NALF1: variants seen among roughly 807,000 people sequenced by gnomAD.
The protein encoded by NALF1 is NALCN channel auxiliary factor 1, also known as family with sequence similarity 155 member A.
In NALF1, 3 loss-of-function variants were observed where a neutral mutation model predicts 48.4. That is an observed-to-expected ratio of 0.06 (90% CI 0.03 to 0.16). The LOEUF is 0.16. NALF1 is among the 10% of genes least tolerant of loss of function. The pLI, the probability that NALF1 is intolerant of heterozygous loss-of-function variation, is 1.00. For synonymous variants in NALF1, 262 were observed against 245.7 expected, an observed-to-expected ratio of 1.07 and a Z score of -0.62; for missense variants, 526 against 571.5, an observed-to-expected ratio of 0.92 and a Z score of 0.81.
At chr13:107,370,702 C>T (rs541870346) in intron 1 of NALF1, among the ~76,000 whole-genome samples, 2 of 152,230 alleles carry the variant, frequency 1.3e-5, no homozygotes, top group African/African-American at 2.4e-5. Context: ...TCTCATGCTG[C>T]GAACAAAAAC....
intron 1 of NALF1, among the ~76,000 whole-genome samples, chr13:107,501,848 G>A (rs1875535595): frequency 6.6e-6 from 1 of 152,106 alleles, no homozygotes; most frequent in Non-Finnish European, 1.5e-5. Context: ...TGAAAGGATG[G>A]AACTCCTGAA....
intron 1 of NALF1, among the ~76,000 whole-genome samples, chr13:107,636,925 T>G (rs879708086): frequency 4.0e-5 from 6 of 150,360 alleles, no homozygotes. Context: ...ATGATCCACA[T>G]GAAGACATTT....
intron 1 of NALF1, among the ~76,000 whole-genome samples, chr13:107,316,811 T>C (rs907251718): frequency 6.6e-6 from 1 of 152,010 alleles, no homozygotes; most frequent in African/African-American, 2.4e-5. Flanking sequence ...AAAGCTGAGT[T>C]TTCTCTTTTT....
At chr13:107,736,538 C>T (rs189329981) in intron 1 of NALF1, among the ~76,000 whole-genome samples, 6 of 152,298 alleles carry the variant, frequency 3.9e-5, no homozygotes, top group South Asian at 2.1e-4. Context: ...AACCTACATA[C>T]TGTTAGTTCT....
intron 1 of NALF1, among the ~76,000 whole-genome samples, chr13:107,279,538 G>C (rs529020011): frequency 6.6e-6 from 1 of 152,114 alleles, no homozygotes; most frequent in Non-Finnish European, 1.5e-5. Context: ...TTACAGGCCT[G>C]AGCCACCGCA....
rs572801595 is a variant in NALF1 at position 107,400,980 on chromosome 13, G to A, written c.916-190225C>T. ...CACAGAGATGGGCTCCAAGAACTTT[G>A]AAGCATAAATGCAGTCTTAATTATG... On this transcript the variant is annotated intron_variant, in intron 1 of 2. Coordinates refer to ENST00000375915, the MANE Select transcript of NALF1 (RefSeq NM_001080396.3). Among the ~76,000 whole-genome samples the A allele has an allele frequency of 1.8e-4, 27 of 152,188 alleles. No homozygotes were observed. In the South Asian group the frequency reaches 5.2e-3, roughly 29 times the overall value.
intron 1 of NALF1, among the ~76,000 whole-genome samples, chr13:107,427,336 C>A (rs943279084): frequency 2.0e-5 from 3 of 151,986 alleles, no homozygotes; most frequent in African/African-American, 7.2e-5. Flanking sequence ...TGTATTTCTT[C>A]AAAAATACTT....
At chr13:107,585,832 T>G (rs1244192419) in intron 1 of NALF1, among the ~76,000 whole-genome samples, 1 of 152,164 alleles carries the variant, frequency 6.6e-6, no homozygotes, top group Non-Finnish European at 1.5e-5. Context: ...TTTCATTAAC[T>G]TAATCACTCA....
At chr13:107,554,059 G>A (rs1197532374) in intron 1 of NALF1, among the ~76,000 whole-genome samples, 5 of 152,208 alleles carry the variant, frequency 3.3e-5, no homozygotes, top group Admixed American at 1.3e-4. Context: ...ATCTGCAAAT[G>A]CAGATAATCC....
chr13:107,810,548 T>C (rs1467498193), intron 1 of NALF1, among the ~76,000 whole-genome samples: 2 of 152,148 alleles, frequency 1.3e-5, no homozygotes, highest in Non-Finnish European at 1.5e-5. Context: ...GCTTCTTTTA[T>C]ATTTATACAC....
At chr13:107,374,123 G>A (rs1358293553) in intron 1 of NALF1, among the ~76,000 whole-genome samples, 1 of 152,178 alleles carries the variant, frequency 6.6e-6, no homozygotes, top group African/African-American at 2.4e-5. Flanking sequence ...TATAAAGGAT[G>A]CATATTGTAA....
intron 1 of NALF1, among the ~76,000 whole-genome samples, chr13:107,283,491 G>A (rs1486357230): frequency 6.6e-6 from 1 of 152,016 alleles, no homozygotes; most frequent in Admixed American, 6.6e-5. Context: ...AAAAAAATAT[G>A]AGTGGCGCTT....
intron 1 of NALF1, among the ~76,000 whole-genome samples, chr13:107,728,695 A>AAAATAAATAAATAAATAAAT (rs34497886): frequency 4.0e-5 from 6 of 148,392 alleles, no homozygotes; most frequent in South Asian, 2.2e-4. Flanking sequence ...AACTTAAAGT[A>AAAATAAATAAATAAATAAAT]AAATAAATAA....
chr13:107,640,651 A>G (rs182953056), intron 1 of NALF1, among the ~76,000 whole-genome samples: 1 of 152,334 alleles, frequency 6.6e-6, no homozygotes, highest in African/African-American at 2.4e-5. Flanking sequence ...ATTTGCATAA[A>G]TAATTTTATA....
intron 1 of NALF1, among the ~76,000 whole-genome samples, chr13:107,536,288 G>A (rs541554757): frequency 3.0e-3 from 444 of 149,730 alleles, no homozygotes; most frequent in African/African-American, 0.01. Flanking sequence ...GAGTGAACAG[G>A]CAACCTACAA....
chr13:107,630,046 C>T (rs961488104), intron 1 of NALF1, among the ~76,000 whole-genome samples: 4 of 152,100 alleles, frequency 2.6e-5, no homozygotes, highest in African/African-American at 9.7e-5. Context: ...TGGATAGACT[C>T]TCTTCGCCTA....
In NALF1 at chr13:107,210,574, G is replaced by A. The variant is rs779099004; in HGVS notation, c.1087+10C>T. Reference sequence around the variant, plus strand: ...GAGACTGGTGTACAGACTCCCACCCGGCACTGTACCTGTACAGATGAAACT... The same window carrying A: ...GAGACTGGTGTACAGACTCCCACCCAGCACTGTACCTGTACAGATGAAACT... On this transcript the variant is annotated intron_variant, in intron 2 of 2. Transcript: ENST00000375915. The A allele has an allele frequency of 4.9e-5, 79 of 1,600,858 alleles. No individual in the cohort carries two copies. Among genetic ancestry groups the A allele is most frequent in the East Asian group, 4.7e-4 (21 of 44,816 alleles).
chr13:107,419,755 A>T (rs115418336), intron 1 of NALF1, among the ~76,000 whole-genome samples: 129 of 152,338 alleles, frequency 8.5e-4, no homozygotes, highest in African/African-American at 3.0e-3. Context: ...AATATTGTAG[A>T]GGTAATCTAA....
intron 1 of NALF1, among the ~76,000 whole-genome samples, chr13:107,358,081 T>C (rs961703583): frequency 2.0e-5 from 3 of 152,200 alleles, no homozygotes; most frequent in African/African-American, 7.2e-5. Context: ...CATATATATA[T>C]GTGTGTATAT....
Sources: allele counts gnomAD v4.1 joint callset (sites outside exome capture counted in the v4.1 genomes callset), GRCh38; gene constraint gnomAD v4.1.1; transcripts MANE v1.5; gene names NCBI Gene and HGNC (gene_info 2026-07-23, HGNC 2026-07-21).